UBE2R2: variants seen among roughly 807,000 people sequenced by gnomAD.
UBE2R2 encodes ubiquitin conjugating enzyme E2 R2.
Under a neutral mutation model 27.8 loss-of-function variants are expected in UBE2R2, and 1 was observed. The ratio of observed to expected loss-of-function variants is 0.04; its 90% CI spans 0.01 to 0.17. The LOEUF is 0.17. UBE2R2 is among the 10% of genes least tolerant of loss of function. The pLI is 1.00. For synonymous variants in UBE2R2, 106 were observed against 113.3 expected, an observed-to-expected ratio of 0.94 and a Z score of 0.41; for missense variants, 100 against 291.0, an observed-to-expected ratio of 0.34 and a Z score of 4.78.
intron 1 of UBE2R2, among the ~76,000 whole-genome samples, chr9:33,832,001 G>A (rs1181086447): frequency 1.3e-5 from 2 of 151,278 alleles, no homozygotes; most frequent in Non-Finnish European, 2.9e-5. Context: ...TTGAATCAAC[G>A]ATAGCAATCA....
intron 1 of UBE2R2, among the ~76,000 whole-genome samples, chr9:33,875,773 T>C (rs559326978): frequency 3.3e-5 from 5 of 152,134 alleles, no homozygotes; most frequent in Non-Finnish European, 7.4e-5. Flanking sequence ...AAATAAAAGA[T>C]AGAAAAATGT....
At chr9:33,876,875 C>T (rs13286325) in intron 1 of UBE2R2, among the ~76,000 whole-genome samples, 10,309 of 151,892 alleles carry the variant, frequency 0.068, 490 homozygotes, top group Non-Finnish European at 0.099. Flanking sequence ...GAGATCGTGC[C>T]ACTGCACTCC....
At chr9:33,895,414 T>C (rs1822078480) in intron 2 of UBE2R2, among the ~76,000 whole-genome samples, 3 of 152,248 alleles carry the variant, frequency 2.0e-5, no homozygotes, top group Admixed American at 1.3e-4. Context: ...CATTGGTTTA[T>C]ATGTCTGTCA....
At chr9:33,890,439 C>G (rs529486121) in intron 2 of UBE2R2, among the ~76,000 whole-genome samples, 1 of 151,904 alleles carries the variant, frequency 6.6e-6, no homozygotes, top group East Asian at 1.9e-4. Flanking sequence ...TGGTGGCACG[C>G]GCCTGTAATC....
At chr9:33,903,021 C>G (rs148806703) in intron 3 of UBE2R2, among the ~76,000 whole-genome samples, 11,981 of 152,028 alleles carry the variant, frequency 0.079, 681 homozygotes, top group Non-Finnish European at 0.12. Flanking sequence ...ATTGCTTGAA[C>G]CTGGGAGGCG....
At chr9:33,868,163 T>C (rs1728621162) in intron 1 of UBE2R2, among the ~76,000 whole-genome samples, 1 of 152,206 alleles carries the variant, frequency 6.6e-6, no homozygotes, top group African/African-American at 2.4e-5. Context: ...GAAGCCGCAC[T>C]GTCTGAAGAT....
intron 1 of UBE2R2, among the ~76,000 whole-genome samples, chr9:33,861,894 C>A (rs1045038630): frequency 6.8e-5 from 10 of 146,526 alleles, no homozygotes; most frequent in Non-Finnish European, 1.0e-4. Flanking sequence ...CACACTGTCG[C>A]CCGGGCTGGA....
At chr9:33,876,656 C>G (rs1397663534) in intron 1 of UBE2R2, among the ~76,000 whole-genome samples, 1 of 152,180 alleles carries the variant, frequency 6.6e-6, no homozygotes, top group East Asian at 1.9e-4. Flanking sequence ...TGGCTCACGC[C>G]TGTAATCCCA....
rs1046912555 is a variant in UBE2R2 at position 33,919,726 on chromosome 9, T to A, written c.*2489T>A. ...CTGTGGAAAATACTTGAGTTTGTAA[T>A]TTTTTTTCCCCCTTCTGGGAGTGGA... is the stretch of plus-strand genomic sequence containing the variant. On this transcript the variant is annotated 3_prime_UTR_variant, in exon 5 of 5. Transcript: ENST00000263228. 2 of 103,696 alleles carry A rather than the reference T, an allele frequency of 1.9e-5. No individual in the cohort carries two copies. The highest frequency in any genetic ancestry group is 4.2e-5 in the Non-Finnish European group (2 of 47,250). 6.4% of individuals were successfully genotyped at this position (103,696 alleles called of 1,614,324 possible).
chr9:33,870,824 G>T (rs938378995), intron 1 of UBE2R2, among the ~76,000 whole-genome samples: 3 of 152,130 alleles, frequency 2.0e-5, no homozygotes, highest in African/African-American at 7.2e-5. Flanking sequence ...TCACTACTTG[G>T]ATCTGTCATT....
intron 1 of UBE2R2, among the ~76,000 whole-genome samples, chr9:33,853,281 T>C (rs1821010119): frequency 1.5e-5 from 2 of 132,712 alleles, no homozygotes; most frequent in African/African-American, 5.9e-5. Flanking sequence ...CTTTACCTTT[T>C]CTCTCTCTTT....
intron 1 of UBE2R2, among the ~76,000 whole-genome samples, chr9:33,871,967 C>T (rs1485954580): frequency 6.6e-6 from 1 of 152,164 alleles, no homozygotes; most frequent in Non-Finnish European, 1.5e-5. Flanking sequence ...CTGCCTCAGC[C>T]TCCCAAAGTG....
chr9:33,914,347 G>A (rs1177983714), intron 4 of UBE2R2, among the ~76,000 whole-genome samples: 1 of 152,308 alleles, frequency 6.6e-6, no homozygotes, highest in Non-Finnish European at 1.5e-5. Context: ...ATAACAGCAT[G>A]ACATGTTAAG....
chr9:33,840,465 A>G lies in UBE2R2; in HGVS notation c.177+22531A>G, dbSNP rs1820707563. ...TGAAGAACCCAGGGAGAGTTAACCA[A>G]AGTTTGAATTTTACTGATTGTACAC... On this transcript the variant is annotated intron_variant, in intron 1 of 4. Coordinates refer to ENST00000263228, the MANE Select transcript of UBE2R2 (RefSeq NM_017811.4). Among the ~76,000 whole-genome samples, 5 of 152,030 alleles carry G rather than the reference A, an allele frequency of 3.3e-5. No homozygotes were observed. The South Asian group carries it at 6.2e-4, about 19-fold the overall frequency.
At chr9:33,821,037 C>T (rs1825973178) in intron 1 of UBE2R2, among the ~76,000 whole-genome samples, 1 of 132,504 alleles carries the variant, frequency 7.5e-6, no homozygotes, top group Admixed American at 7.5e-5. Flanking sequence ...GCCTTACTAT[C>T]TTTTTGTGTA....
intron 1 of UBE2R2, among the ~76,000 whole-genome samples, chr9:33,819,857 T>G (rs1355865057): frequency 2.6e-5 from 4 of 152,198 alleles, no homozygotes; most frequent in African/African-American, 9.6e-5. Flanking sequence ...CAGGCCGGTC[T>G]CGAACTCCAG....
At chr9:33,909,576 G>C (rs972029219) in intron 3 of UBE2R2, among the ~76,000 whole-genome samples, 1 of 152,128 alleles carries the variant, frequency 6.6e-6, no homozygotes, top group African/African-American at 2.4e-5. Context: ...AGGAGTCCAA[G>C]GCAGGAATAT....
chr9:33,838,293 T>G (rs1190783608), intron 1 of UBE2R2, among the ~76,000 whole-genome samples: 1 of 150,944 alleles, frequency 6.6e-6, no homozygotes, highest in Non-Finnish European at 1.5e-5. Flanking sequence ...TTTTTTCGCT[T>G]GAATATTTTT....
intron 2 of UBE2R2, among the ~76,000 whole-genome samples, chr9:33,887,650 G>T (rs1308982788): frequency 6.5e-5 from 1 of 15,350 alleles, no homozygotes; most frequent in Non-Finnish European, 1.2e-4. Context: ...GTGCTTTTTT[G>T]TTTGTTTGTT....
Sources: gnomAD v4.1 joint callset for allele counts (sites outside exome capture counted in the v4.1 genomes callset) on GRCh38, gnomAD v4.1.1 for gene constraint, MANE v1.5 for transcripts, NCBI Gene and HGNC (gene_info 2026-07-23, HGNC 2026-07-21) for gene names.